NOTCH2: variants seen among roughly 807,000 people sequenced by gnomAD.
NOTCH2 encodes the protein notch receptor 2.
A neutral mutation model predicts 235.8 loss-of-function variants in NOTCH2; 29 were observed. The observed-to-expected ratio is 0.12, with a 90% confidence interval of 0.09 to 0.17. The LOEUF is 0.17. Ranked by LOEUF, NOTCH2 falls within the 10% of genes least tolerant of loss-of-function variation. NOTCH2 has a pLI of 1.00. For missense variants in NOTCH2, 2,285 were observed against 3,150.2 expected (o/e 0.73, Z 6.57); for synonymous variants, 1,086 against 1,141.5 (o/e 0.95, Z 0.98).
intron 17 of NOTCH2, among the ~76,000 whole-genome samples, chr1:119,945,881 C>T (rs969858976): frequency 2.0e-5 from 3 of 151,944 alleles, no homozygotes; most frequent in African/African-American, 4.8e-5. Context: ...AATAACACTA[C>T]CCTATCCAAT....
chr1:120,007,453 G>A (rs1244937034), intron 2 of NOTCH2, among the ~76,000 whole-genome samples: 2 of 128,226 alleles, frequency 1.6e-5, no homozygotes, highest in Non-Finnish European at 3.0e-5. Flanking sequence ...CACTTTGGGA[G>A]GCTGAGGTGT....
chr1:119,935,139 C>T (rs782287146), intron 22 of NOTCH2: 58 of 1,217,338 alleles, frequency 4.8e-5, no homozygotes, highest in Non-Finnish European at 5.9e-5. Flanking sequence ...ATTTTAGAGG[C>T]CATTAGTTGC....
chr1:119,953,160 A>G (rs1343483848), intron 14 of NOTCH2, among the ~76,000 whole-genome samples: 1 of 152,102 alleles, frequency 6.6e-6, no homozygotes, highest in Non-Finnish European at 1.5e-5. Flanking sequence ...AAAAATACAA[A>G]ATTAGCCGGG....
intron 19 of NOTCH2, 55 bp downstream of exon 19, chr1:119,940,500 G>C (rs782426636): frequency 6.1e-6 from 9 of 1,472,696 alleles, no homozygotes; most frequent in Non-Finnish European, 8.5e-6. Context: ...AAGTGAACAG[G>C]TATAATATTC....
At chr1:120,028,578 T>C (rs1408603073) in intron 2 of NOTCH2, among the ~76,000 whole-genome samples, 2 of 145,360 alleles carry the variant, frequency 1.4e-5, no homozygotes, top group African/African-American at 5.1e-5. Flanking sequence ...CTTAAAATAT[T>C]TTCACTTTAG....
chr1:119,935,020 T>C (rs1649796269), intron 22 of NOTCH2: 1 of 822,702 alleles, frequency 1.2e-6, no homozygotes, highest in South Asian at 5.6e-5. Flanking sequence ...TATCCTCCCC[T>C]GAAGCTATGA....
chr1:120,046,196 C>A (rs1654783589), intron 1 of NOTCH2, among the ~76,000 whole-genome samples: 1 of 124,080 alleles, frequency 8.1e-6, no homozygotes, highest in African/African-American at 3.3e-5. Context: ...ACTGGATAAA[C>A]CTGGTATATC....
intron 4 of NOTCH2, among the ~76,000 whole-genome samples, chr1:119,989,601 T>C (rs1456264029): frequency 1.3e-5 from 2 of 151,540 alleles, no homozygotes; most frequent in East Asian, 1.9e-4. Flanking sequence ...ATTTAGGATA[T>C]ATTTTTTAAA....
chr1:119,986,897 A>C, intron 5 of NOTCH2, 63 bp downstream of exon 5: 2 of 1,610,510 alleles, frequency 1.2e-6, no homozygotes, highest in Admixed American at 1.7e-5. Context: ...ATTTTAAAAA[A>C]ACAGTCTGCC....
At position 119,913,720 on chromosome 1, in the gene NOTCH2, A is replaced by T. The variant is rs1648966754; in HGVS notation, c.*1586T>A. 4.3e-6 allele frequency: 1 copy of T among 233,294 alleles called. No homozygotes were observed. Among genetic ancestry groups the T allele is most frequent in the East Asian group, 6.0e-5 (1 of 16,586 alleles). The allele number at this position is 233,294 out of a possible 1,614,324, so 14.5% of individuals were successfully genotyped here. On this transcript the variant is annotated 3_prime_UTR_variant, in exon 34 of 34. Transcript: ENST00000256646. ...ACAATGAGCAAGTCTATAGTTGTCC[A>T]TTATCATCTAAAAGGTGACTCTAGG...
At position 119,965,394 on chromosome 1, in the gene NOTCH2, A is replaced by G. The variant is rs1285952875; in HGVS notation, c.1681+59T>C. The G allele has an allele frequency of 1.4e-5, 18 of 1,278,300 alleles. No individual in the cohort carries two copies. The Admixed American group carries it at 3.0e-4, about 21-fold the overall frequency. 79.2% of individuals were successfully genotyped at this position (1,278,300 alleles called of 1,614,324 possible). The stretch of plus-strand genomic sequence containing the variant: ...CAGCAGCTAGCAGAGGACAGGGACA[A>G]TCACCCTATTTTGTTCAGATGGACC... On this transcript the variant is annotated intron_variant, in intron 10 of 33. Coordinates refer to ENST00000256646, the MANE Select transcript of NOTCH2 (RefSeq NM_024408.4).
At chr1:120,057,366 TA>T (rs1553215441) in intron 1 of NOTCH2, among the ~76,000 whole-genome samples, 1 of 121,940 alleles carries the variant, frequency 8.2e-6, no homozygotes, top group Non-Finnish European at 1.5e-5. Flanking sequence ...ACGGGGCTAG[TA>T]AATTTAGAGC....
chr1:120,025,856 G>A (rs1405437331), intron 2 of NOTCH2, among the ~76,000 whole-genome samples: 1 of 93,206 alleles, frequency 1.1e-5, no homozygotes, highest in Admixed American at 1.2e-4. Flanking sequence ...TTGGGATTTA[G>A]AATGGTTTAT....
chr1:120,041,918 A>G (rs1281689239), intron 1 of NOTCH2, among the ~76,000 whole-genome samples: 3 of 144,558 alleles, frequency 2.1e-5, no homozygotes, highest in Non-Finnish European at 4.5e-5. Flanking sequence ...GGAAAGGGAA[A>G]GAGAGAGGAA....
chr1:119,981,680 T>C (rs587772218), intron 5 of NOTCH2, among the ~76,000 whole-genome samples: 1 of 152,118 alleles, frequency 6.6e-6, no homozygotes, highest in Non-Finnish European at 1.5e-5. Flanking sequence ...TAATCAACTC[T>C]GGGACATCTG....
intron 4 of NOTCH2, chr1:119,996,258 C>A: frequency 5.1e-6 from 1 of 194,240 alleles, no homozygotes; most frequent in Non-Finnish European, 1.1e-5. Context: ...CCCGACACTG[C>A]TCCTCTTTTT....
intron 1 of NOTCH2, 21 bp downstream of exon 1, chr1:120,069,313 G>A (rs367580725): frequency 1.9e-6 from 3 of 1,552,884 alleles, no homozygotes; most frequent in Non-Finnish European, 2.6e-6. Context: ...CGCGGACAGC[G>A]CCCCTCAGCC....
chr1:119,979,705 T>C (rs1381745698), intron 5 of NOTCH2, among the ~76,000 whole-genome samples: 1 of 152,186 alleles, frequency 6.6e-6, no homozygotes, highest in Non-Finnish European at 1.5e-5. Flanking sequence ...TATTATAAAT[T>C]GGGTTATAAA....
chr1:119,922,544 C>A (rs2101155383), intron 27 of NOTCH2, 92 bp downstream of exon 27: 6 of 1,604,766 alleles, frequency 3.7e-6, no homozygotes, highest in Non-Finnish European at 5.1e-6. Flanking sequence ...CCTCAACAGT[C>A]CTGAAAAAAT....
Sources: gnomAD v4.1 joint callset for allele counts (sites outside exome capture counted in the v4.1 genomes callset) on GRCh38, gnomAD v4.1.1 for gene constraint, MANE v1.5 for transcripts, NCBI Gene and HGNC (gene_info 2026-07-23, HGNC 2026-07-21) for gene names.